Variants in PRDM6 observed in about 807,000 individuals in gnomAD.
PRDM6 encodes the protein PR/SET domain 6.
PRDM6 carries 25 observed loss-of-function variants against 60.8 expected under a neutral mutation model. The ratio of observed to expected loss-of-function variants is 0.41; its 90% CI spans 0.30 to 0.57. The LOEUF (loss-of-function observed/expected upper bound fraction) is 0.57. Ranked by LOEUF, PRDM6 falls within the 20% of genes least tolerant of loss-of-function variation. The pLI is 0.27. For synonymous variants in PRDM6, 407 were observed against 357.4 expected (o/e 1.14, Z -1.57); for missense variants, 839 against 821.3 (o/e 1.02, Z -0.26).
chr5:123,120,877 G>C (rs962733425), intron 3 of PRDM6, among the ~76,000 whole-genome samples: 12 of 152,144 alleles, frequency 7.9e-5, no homozygotes, highest in Non-Finnish European at 1.8e-4. Context: ...TGGAGCCGTA[G>C]GTTTGGCTTC....
At chr5:123,137,551 A>G (rs1269377771) in intron 3 of PRDM6, among the ~76,000 whole-genome samples, 1 of 152,208 alleles carries the variant, frequency 6.6e-6, no homozygotes, top group African/African-American at 2.4e-5. Context: ...CAGAAAACCA[A>G]CACTGCATGT....
chr5:123,138,827 C>T (rs1765031256), intron 3 of PRDM6, among the ~76,000 whole-genome samples: 1 of 152,188 alleles, frequency 6.6e-6, no homozygotes, highest in Non-Finnish European at 1.5e-5. Flanking sequence ...AGGGCCCTTC[C>T]TTAGCCTTGT....
intron 3 of PRDM6, among the ~76,000 whole-genome samples, chr5:123,150,088 T>C (rs1199675428): frequency 6.6e-6 from 1 of 152,232 alleles, no homozygotes; most frequent in African/African-American, 2.4e-5. Context: ...GCTATGTTCT[T>C]TGAGCTCTTA....
intron 5 of PRDM6, among the ~76,000 whole-genome samples, chr5:123,163,192 T>C (rs2126878079): frequency 6.6e-6 from 1 of 152,320 alleles, no homozygotes; most frequent in South Asian, 2.1e-4. Flanking sequence ...TCTATTACCA[T>C]TATTAGAAGG....
intron 3 of PRDM6, among the ~76,000 whole-genome samples, chr5:123,118,943 G>T (rs565512448): frequency 1.3e-5 from 2 of 152,204 alleles, no homozygotes; most frequent in Non-Finnish European, 2.9e-5. Context: ...GCTAGATTTG[G>T]GAGCTAAGTA....
At chr5:123,166,970 CT>C (rs1765766844) in intron 5 of PRDM6, among the ~76,000 whole-genome samples, 2 of 152,138 alleles carry the variant, frequency 1.3e-5, no homozygotes, top group African/African-American at 4.8e-5. Context: ...ATCTCTGCAC[CT>C]TTTGCCGTTG....
rs1394266929 is a variant in PRDM6, at chr5:123,170,814, T to C, written c.1202T>C (p.Leu401Pro). The C allele has an allele frequency of 3.2e-6, 5 of 1,552,150 alleles. No individual in the cohort carries two copies. The East Asian group carries it at 1.2e-4, about 38-fold the overall frequency. Residue 401 changes from leucine (L) to proline (P), a missense_variant, in exon 6 of 8, where the codon CTG becomes CCG. By Grantham distance (98) the Leu-to-Pro change is moderately conservative. Around this residue, in one of 2 missense-constraint regions of PRDM6, gnomAD observed 730 missense variants for 648.8 expected, o/e 1.13. Transcript: ENST00000407847. Reference protein sequence around the residue: ...VMEAMCRQDALQPFNKSSKLA... With the variant: ...VMEAMCRQDAPQPFNKSSKLA... Reference sequence around the variant, plus strand: ...GAAGCCATGTGCAGACAAGACGCCCTGCAGCCCTTCAACAAAAGCAGCAAA... The same window carrying C: ...GAAGCCATGTGCAGACAAGACGCCCCGCAGCCCTTCAACAAAAGCAGCAAA...
intron 3 of PRDM6, among the ~76,000 whole-genome samples, chr5:123,147,058 C>T (rs1021921806): frequency 4.0e-5 from 6 of 151,894 alleles, no homozygotes; most frequent in South Asian, 2.1e-4. Context: ...AACGCGTGAA[C>T]GAATGTCTGT....
At chr5:123,127,759 CTTTCTTTCT>C (rs1764727191) in intron 3 of PRDM6, among the ~76,000 whole-genome samples, 1 of 127,252 alleles carries the variant, frequency 7.9e-6, no homozygotes, top group African/African-American at 3.0e-5. Context: ...CCTTTCTTTC[CTTTCTTTCT>C]TTCTTTCTTT....
In PRDM6 at chr5:123,090,267, T is replaced by C; in HGVS notation, c.253T>C (p.Ser85Pro). 1 of 1,281,006 alleles carries C rather than the reference T, an allele frequency of 7.8e-7. No homozygotes were observed. Among genetic ancestry groups the C allele is most frequent in the South Asian group, 1.3e-5 (1 of 76,622 alleles). 79.4% of individuals were successfully genotyped at this position (1,281,006 alleles called of 1,614,324 possible). A position where few individuals can be genotyped will look rare whatever the true frequency, so the allele number is the denominator to read the frequency against. Residue 85 changes from serine to proline, a missense_variant, in exon 2 of 8, where the codon TCC (serine) becomes CCC (proline). Ser to Pro is a moderately conservative substitution (Grantham distance 74). Coordinates refer to ENST00000407847, the MANE Select transcript of PRDM6 (RefSeq NM_001136239.4). ...CTCCTCCGCCTCGTCCACGCCGGCT[T>C]CCTCTTCCACCTCCGCCTCCTCCGC... ...SLSSASSTPASSSTSASSASS... is the reference protein window; with the variant it reads ...SLSSASSTPAPSSTSASSASS...
chr5:123,138,932 C>T (rs1184144947), intron 3 of PRDM6, among the ~76,000 whole-genome samples: 1 of 152,178 alleles, frequency 6.6e-6, no homozygotes, highest in Non-Finnish European at 1.5e-5. Context: ...GTAATCCTCA[C>T]GTGTCGAGGG....
chr5:123,168,607 C>G (rs1004488765), intron 5 of PRDM6, among the ~76,000 whole-genome samples: 1 of 152,174 alleles, frequency 6.6e-6, no homozygotes, highest in African/African-American at 2.4e-5. Flanking sequence ...GATGCCCAGG[C>G]CCTATGGAGA....
Position 123,143,095 on chromosome 5 carries a change from C to T in PRDM6, c.901-12789C>T, listed in dbSNP as rs139003031. On this transcript the variant is annotated intron_variant, in intron 3 of 7. Transcript: ENST00000407847. ...ACGGATGTTCTCATTTCCATTTCTCCAGTCAGTACTATCCTTTTATCTGAA... is the reference window on the plus strand; with the variant it reads ...ACGGATGTTCTCATTTCCATTTCTCTAGTCAGTACTATCCTTTTATCTGAA... Among the ~76,000 whole-genome samples, 218 of 151,316 alleles carry T rather than the reference C, an allele frequency of 1.4e-3. 2 individuals are homozygous for T. The highest frequency in any genetic ancestry group is 5.2e-3 in the African/African-American group (215 of 41,286).
At chr5:123,120,014 C>T (rs987774526) in intron 3 of PRDM6, among the ~76,000 whole-genome samples, 4 of 152,010 alleles carry the variant, frequency 2.6e-5, no homozygotes, top group South Asian at 2.1e-4. Context: ...GTTTTTCCCT[C>T]GTCCTCTCTC....
intron 5 of PRDM6, among the ~76,000 whole-genome samples, chr5:123,166,633 G>T (rs2126880750): frequency 6.6e-6 from 1 of 152,324 alleles, no homozygotes; most frequent in South Asian, 2.1e-4. Flanking sequence ...AGAGGGCAGT[G>T]ACTTTGGTTT....
intron 6 of PRDM6, among the ~76,000 whole-genome samples, chr5:123,171,679 A>G (rs975318463): frequency 6.6e-6 from 1 of 152,066 alleles, no homozygotes; most frequent in Admixed American, 6.5e-5. Flanking sequence ...ATATCCACAC[A>G]GAAGAAAAAT....
At chr5:123,128,100 A>C (rs1475573564) in intron 3 of PRDM6, among the ~76,000 whole-genome samples, 1 of 152,238 alleles carries the variant, frequency 6.6e-6, no homozygotes, top group African/African-American at 2.4e-5. Context: ...ACATGAACTC[A>C]TCCTTTTTAA....
intron 2 of PRDM6, among the ~76,000 whole-genome samples, chr5:123,098,411 G>C (rs1207318729): frequency 3.3e-5 from 5 of 152,242 alleles, no homozygotes; most frequent in Non-Finnish European, 5.9e-5. Context: ...CCACCTTCTC[G>C]GGGCAGGCCA....
At position 123,124,292 on chromosome 5, in the gene PRDM6, G is replaced by A. The variant is rs187576838; in HGVS notation, c.900+24331G>A. 1.6e-4 allele frequency among the ~76,000 whole-genome samples: 24 copies of A among 152,250 alleles called. 1 individual carries two copies. Among genetic ancestry groups the A allele is most frequent in the Admixed American group, 9.2e-4 (14 of 15,294 alleles). ...AGATGTCCAGCAGGATAATTCAGAC[G>A]CCCTAAGTCCACTTTAGACACTCGC... On this transcript the variant is annotated intron_variant, in intron 3 of 7. Coordinates refer to ENST00000407847, the MANE Select transcript of PRDM6 (RefSeq NM_001136239.4).
Sources: allele counts gnomAD v4.1 joint callset (sites outside exome capture counted in the v4.1 genomes callset), GRCh38; gene constraint gnomAD v4.1.1; regional missense constraint gnomAD v4.1.1; transcripts MANE v1.5; gene names NCBI Gene and HGNC (gene_info 2026-07-23, HGNC 2026-07-21).